SULT2B1: variants seen among roughly 807,000 people sequenced by gnomAD.
SULT2B1 encodes sulfotransferase 2B1.
In SULT2B1, 16 loss-of-function variants were observed where a neutral mutation model predicts 33.2. The ratio of observed to expected loss-of-function variants is 0.48; its 90% CI spans 0.33 to 0.73. SULT2B1 has a LOEUF of 0.73. SULT2B1 is among the 30% of genes least tolerant of loss of function. SULT2B1 has a pLI of 0.02. For synonymous variants in SULT2B1, 186 were observed against 200.5 expected (o/e 0.93, Z 0.61); for missense variants, 500 against 506.0 (o/e 0.99, Z 0.11).
intron 2 of SULT2B1, among the ~76,000 whole-genome samples, chr19:48,581,633 A>T (rs1973489714): frequency 6.7e-6 from 1 of 148,410 alleles, no homozygotes. Context: ...AATTTTTTGT[A>T]TTTTTAGTAG....
intron 2 of SULT2B1, among the ~76,000 whole-genome samples, chr19:48,585,857 G>A (rs1030119565): frequency 3.9e-5 from 6 of 152,126 alleles, no homozygotes; most frequent in African/African-American, 1.4e-4. Flanking sequence ...TCAAAAGTGG[G>A]CAGTGAAAAG....
chr19:48,568,055 C>T lies in SULT2B1; in HGVS notation c.72-7886C>T, dbSNP rs142126980. 1.6e-3 allele frequency among the ~76,000 whole-genome samples: 237 copies of T among 151,896 alleles called. 3 individuals are homozygous for T. In the Middle Eastern group the frequency reaches 0.024, roughly 15 times the overall value. ...GGGAGGCCAAGGCAGGAGAATCCCA[C>T]GAGCCCAGGAGTTCAAGACCAGTCT... On this transcript the variant is annotated intron_variant, in intron 1 of 6. Transcript: ENST00000201586.
intron 6 of SULT2B1, among the ~76,000 whole-genome samples, chr19:48,597,897 G>A (rs1211501754): frequency 6.6e-6 from 1 of 151,936 alleles, no homozygotes; most frequent in Admixed American, 6.6e-5. Flanking sequence ...TCCTCCCAAA[G>A]TGCTGGGATT....
chr19:48,587,317 A>G lies in SULT2B1; in HGVS notation c.303A>G (p.Ala101=). The change falls in exon 3 of 7, where the codon GCA becomes GCG. Residue 101 remains alanine (A), a synonymous_variant. Transcript: ENST00000201586. ...WIRSVPIWER[A]PWCETIVGAF... is the part of the protein sequence containing the mutation. Reference sequence around the variant, plus strand: ...GCTCCGTGCCCATCTGGGAGCGGGCACCCTGGTGTGAGACCATTGTGGGTG... The same window carrying G: ...GCTCCGTGCCCATCTGGGAGCGGGCGCCCTGGTGTGAGACCATTGTGGGTG... 1 of 1,613,886 alleles carries G rather than the reference A, an allele frequency of 6.2e-7. No individual in the cohort carries two copies. Among genetic ancestry groups the G allele is most frequent in the Non-Finnish European group, 8.5e-7 (1 of 1,179,972 alleles).
Position 48,568,437 on chromosome 19 carries a change from T to G in SULT2B1, c.72-7504T>G, listed in dbSNP as rs113729285. Reference sequence around the variant, plus strand: ...CCTGAAGACAGAGAAGGAGCTGGCCTTGAATCCTGTAAATGTTCCCAAACG... The same window carrying G: ...CCTGAAGACAGAGAAGGAGCTGGCCGTGAATCCTGTAAATGTTCCCAAACG... On this transcript the variant is annotated intron_variant, in intron 1 of 6. Coordinates refer to ENST00000201586, the MANE Select transcript of SULT2B1 (RefSeq NM_177973.2). Among the ~76,000 whole-genome samples the G allele has an allele frequency of 6.6e-5, 10 of 152,242 alleles. 2 individuals carry two copies. Among genetic ancestry groups the G allele is most frequent in the African/African-American group, 2.4e-4 (10 of 41,548 alleles).
intron 1 of SULT2B1, among the ~76,000 whole-genome samples, chr19:48,556,437 G>A (rs1438283349): frequency 1.3e-5 from 2 of 152,020 alleles, no homozygotes; most frequent in Admixed American, 6.6e-5. Flanking sequence ...GGGGAGGAGG[G>A]GCAGGGAGTG....
chr19:48,578,739 T>C (rs1368110099), intron 2 of SULT2B1, among the ~76,000 whole-genome samples: 1 of 151,592 alleles, frequency 6.6e-6, no homozygotes, highest in Admixed American at 6.6e-5. Context: ...TATCCAGGCG[T>C]GGTGGTGCGT....
chr19:48,554,512 TC>T (rs1198880013), intron 1 of SULT2B1, among the ~76,000 whole-genome samples: 1 of 122,174 alleles, frequency 8.2e-6, no homozygotes, highest in African/African-American at 3.2e-5. Flanking sequence ...CCTCCTCATC[TC>T]CCCCCAACCT....
intron 2 of SULT2B1, among the ~76,000 whole-genome samples, chr19:48,582,430 G>A (rs1973504831): frequency 6.6e-6 from 1 of 152,110 alleles, no homozygotes; most frequent in South Asian, 2.1e-4. Flanking sequence ...TGTACATGCA[G>A]TACTTGGCAT....
chr19:48,583,426 C>T (rs1422793755), intron 2 of SULT2B1, among the ~76,000 whole-genome samples: 2 of 152,112 alleles, frequency 1.3e-5, no homozygotes, highest in African/African-American at 4.8e-5. Flanking sequence ...TTTGCAATGA[C>T]CAAAAGCTGA....
chr19:48,583,319 T>G (rs1293473947), intron 2 of SULT2B1, among the ~76,000 whole-genome samples: 2 of 152,032 alleles, frequency 1.3e-5, no homozygotes, highest in Non-Finnish European at 2.9e-5. Context: ...CCATATTAAC[T>G]CAGCAGTTCC....
chr19:48,599,045 G>A lies in SULT2B1; in HGVS notation c.827-90G>A, dbSNP rs140463482. On this transcript the variant is annotated intron_variant, in intron 6 of 6. Transcript: ENST00000201586. The surrounding 1 kb of genome is among the most constrained non-coding windows in gnomAD (Gnocchi z 4.1). ...CAAAGGGAACACCTCGCCAAAGGCCGGGAAGGGGAAGGAGGTTGCTGGAAT... is the reference window on the plus strand; with the variant it reads ...CAAAGGGAACACCTCGCCAAAGGCCAGGAAGGGGAAGGAGGTTGCTGGAAT... 31 of 1,501,440 alleles carry A rather than the reference G, an allele frequency of 2.1e-5. No individual in the cohort carries two copies. Among genetic ancestry groups the A allele is most frequent in the South Asian group, 3.8e-5 (3 of 78,224 alleles). 93.0% of individuals were successfully genotyped at this position (1,501,440 alleles called of 1,614,324 possible). A position where few individuals can be genotyped will look rare whatever the true frequency, so the allele number is the denominator to read the frequency against.
At position 48,575,870 on chromosome 19, in the gene SULT2B1, G is replaced by T. The variant is rs1174830215; in HGVS notation, c.72-71G>T. The stretch of plus-strand genomic sequence containing the variant: ...GGAAGTTCCTTGCCAGGGTCCGAGT[G>T]TCGCCACCCTGAGAACTCCAGCACC... On this transcript the variant is annotated intron_variant, in intron 1 of 6. Transcript: ENST00000201586. 8.4e-6 allele frequency: 13 copies of T among 1,556,650 alleles called. No homozygotes were observed. The South Asian group carries it at 1.1e-4, about 13-fold the overall frequency.
intron 1 of SULT2B1, among the ~76,000 whole-genome samples, chr19:48,573,202 G>C (rs1433790909): frequency 1.3e-5 from 2 of 151,140 alleles, no homozygotes; most frequent in Non-Finnish European, 2.9e-5. Flanking sequence ...CTTGCAGGCA[G>C]AACCATTCAC....
chr19:48,562,262 C>T (rs952436846), intron 1 of SULT2B1, among the ~76,000 whole-genome samples: 4 of 152,046 alleles, frequency 2.6e-5, no homozygotes, highest in Non-Finnish European at 5.9e-5. Flanking sequence ...GTGGCACATG[C>T]CTGTAATCCC....
At chr19:48,596,290 A>T (rs1415632109) in intron 5 of SULT2B1, 2 of 167,000 alleles carry the variant, frequency 1.2e-5, no homozygotes, top group African/African-American at 4.8e-5. Flanking sequence ...TCCTGGGTGG[A>T]TGGTGGGGCC....
At chr19:48,576,234 G>T in intron 2 of SULT2B1, 151 bp downstream of exon 2, 1 of 654,378 alleles carries the variant, frequency 1.5e-6, no homozygotes, top group Non-Finnish European at 2.5e-6. Context: ...GCCTCCCAGG[G>T]ATACCCACCC....
rs534315290 is a variant in SULT2B1 at position 48,586,415 on chromosome 19, C to A, written c.215-814C>A. 7.9e-5 allele frequency among the ~76,000 whole-genome samples: 12 copies of A among 152,270 alleles called. 1 individual carries two copies. The South Asian group carries it at 2.5e-3, about 32-fold the overall frequency. The stretch of plus-strand genomic sequence containing the variant: ...TTCCATCTTATGGCTCTGCCATCCC[C>A]GGGAGTCCCAGATTCTCCCCTGGAG... On this transcript the variant is annotated intron_variant, in intron 2 of 6. Coordinates refer to ENST00000201586, the MANE Select transcript of SULT2B1 (RefSeq NM_177973.2).
At chr19:48,597,775 C>G (rs1253492601) in intron 6 of SULT2B1, among the ~76,000 whole-genome samples, 1 of 151,590 alleles carries the variant, frequency 6.6e-6, no homozygotes, top group Non-Finnish European at 1.5e-5. Context: ...TCCCAAGTAG[C>G]TGTGACTATA....
Sources: allele counts gnomAD v4.1 joint callset (sites outside exome capture counted in the v4.1 genomes callset), GRCh38; gene constraint gnomAD v4.1.1; non-coding constraint Gnocchi (gnomAD v3.1); transcripts MANE v1.5; gene names NCBI Gene and HGNC (gene_info 2026-07-23, HGNC 2026-07-21).